Variants in NOL11 observed in about 807,000 individuals in gnomAD.
NOL11 encodes the protein nucleolar protein 11.
In NOL11, 42 loss-of-function variants were observed where a neutral mutation model predicts 93.0. The ratio of observed to expected loss-of-function variants is 0.45; its 90% CI spans 0.35 to 0.58. NOL11 has a LOEUF of 0.58. NOL11 is among the 20% of genes least tolerant of loss of function. The probability of loss-of-function intolerance (pLI) is 0.00; values close to 1 mark genes in which losing one functional copy is unlikely to be tolerated. For missense variants in NOL11, 775 were observed against 841.8 expected (o/e 0.92, Z 0.98); for synonymous variants, 296 against 293.7 (o/e 1.01, Z -0.08).
intron 6 of NOL11, among the ~76,000 whole-genome samples, chr17:67,725,551 G>C (rs958119017): frequency 3.9e-5 from 6 of 152,124 alleles, no homozygotes; most frequent in Non-Finnish European, 7.4e-5. Context: ...AAGTTTTTCA[G>C]TGTGCAAATG....
chr17:67,737,415 A>T, intron 11 of NOL11, 93 bp from the exon 12 acceptor site: 1 of 1,041,320 alleles, frequency 9.6e-7, no homozygotes, highest in Non-Finnish European at 1.4e-6. Context: ...GATAACTGTT[A>T]GTCATTTGAG....
rs1054994463 is a variant in NOL11 at position 67,738,721 on chromosome 17, A to G, written c.1764-211A>G. The G allele has an allele frequency of 5.9e-6, 3 of 504,924 alleles. No homozygotes were observed. In the South Asian group the frequency reaches 1.0e-4, roughly 17 times the overall value. The allele number at this position is 504,924 out of a possible 1,614,324, so 31.3% of individuals were successfully genotyped here. A position where few individuals can be genotyped will look rare whatever the true frequency, so the allele number is the denominator to read the frequency against. ...GAAGCTATACTAACACAGAAGCTCT[A>G]TCAATTCTGAAGATCAGTATTCTGA... On this transcript the variant is annotated intron_variant, in intron 14 of 17. Coordinates refer to ENST00000253247, the MANE Select transcript of NOL11 (RefSeq NM_015462.5).
At position 67,743,543 on chromosome 17, in the gene NOL11, C is replaced by G; in HGVS notation, c.2000C>G (p.Ala667Gly). The G allele has an allele frequency of 6.2e-7, 1 of 1,606,828 alleles. No individual in the cohort carries two copies. The highest frequency in any genetic ancestry group is 8.5e-7 in the Non-Finnish European group (1 of 1,175,088). The change falls in exon 17 of 18, where the codon GCA becomes GGA. Residue 667 changes from alanine (A) to glycine (G), a missense_variant. Ala to Gly is a moderately conservative substitution (Grantham distance 60, BLOSUM62 0). Transcript: ENST00000253247. ...ACTGTTGTTGTAATGATGCCAGAAG[C>G]AAAGAGGCTACTGATAAATCTTTAC... is the stretch of plus-strand genomic sequence containing the variant. ...NFTVVVMMPE[A>G]KRLLINLYKL...
intron 4 of NOL11, among the ~76,000 whole-genome samples, chr17:67,721,961 C>T (rs2043220381): frequency 6.6e-6 from 1 of 152,214 alleles, no homozygotes; most frequent in Non-Finnish European, 1.5e-5. Context: ...GATTCCACAT[C>T]TTTCTGATAC....
In NOL11 at chr17:67,719,721, A is replaced by G. The variant is rs201484850; in HGVS notation, c.189A>G (p.Gln63=). The change falls in exon 2 of 18, where the codon CAA becomes CAG. Residue 63 remains glutamine (Q), a synonymous_variant. Transcript: ENST00000253247. Reference sequence around the variant, plus strand: ...GGAGCTGGTCAGTGAAACAAGGTCAAATTATAACATGTCCAGCTGTGTGCA... The same window carrying G: ...GGAGCTGGTCAGTGAAACAAGGTCAGATTATAACATGTCCAGCTGTGTGCA... ...PLGSWSVKQG[Q]IITCPAVCNF... 3.1e-6 allele frequency: 5 copies of G among 1,610,712 alleles called. No homozygotes were observed. Among genetic ancestry groups the G allele is most frequent in the Non-Finnish European group, 4.2e-6 (5 of 1,178,898 alleles).
chr17:67,725,829 C>T (rs568503252), intron 6 of NOL11, among the ~76,000 whole-genome samples: 18 of 152,272 alleles, frequency 1.2e-4, no homozygotes, highest in African/African-American at 2.6e-4. Context: ...CCTGTAATCC[C>T]GGTACTTTGG....
Position 67,736,674 on chromosome 17 carries a change from G to A in NOL11, c.1063G>A (p.Val355Ile), listed in dbSNP as rs770722856. 3 of 1,608,538 alleles carry A rather than the reference G, an allele frequency of 1.9e-6. No individual in the cohort carries two copies. Among genetic ancestry groups the A allele is most frequent in the Non-Finnish European group, 2.6e-6 (3 of 1,176,422 alleles). The change falls in exon 10 of 18, where the codon GTC becomes ATC. Residue 355 changes from valine (V) to isoleucine (I), a missense_variant. Val to Ile is a conservative substitution (Grantham distance 29). Around this residue, in one of 2 missense-constraint regions of NOL11, gnomAD observed 416 missense variants for 525.2 expected, o/e 0.79. Coordinates refer to ENST00000253247, the MANE Select transcript of NOL11 (RefSeq NM_015462.5). ...ATTTTGCATTTTCTTAGGAACTCAT[G>A]TCGTGTCCCATTTTGTAAACTGGGA... is the stretch of plus-strand genomic sequence containing the variant. Reference protein sequence around the residue: ...LKHSQDPGTHVVSHFVNWETP... With the variant: ...LKHSQDPGTHIVSHFVNWETP...
At chr17:67,731,150 A>G (rs1379867525) in intron 7 of NOL11, among the ~76,000 whole-genome samples, 1 of 151,996 alleles carries the variant, frequency 6.6e-6, no homozygotes, top group Non-Finnish European at 1.5e-5. Flanking sequence ...CATTCTTTAT[A>G]TATTCTAGAT....
chr17:67,739,443 C>T, intron 15 of NOL11, 73 bp from the exon 16 acceptor site: 1 of 866,684 alleles, frequency 1.2e-6, no homozygotes, highest in Non-Finnish European at 1.8e-6. Context: ...TTTTTTCAAT[C>T]TTCGTGATGG....
At chr17:67,726,280 T>C (rs1462613134) in intron 6 of NOL11, among the ~76,000 whole-genome samples, 180 bp from the exon 7 acceptor site, 1 of 152,226 alleles carries the variant, frequency 6.6e-6, no homozygotes, top group Non-Finnish European at 1.5e-5. Flanking sequence ...TAATAGTACT[T>C]CTTTCCCCAG....
chr17:67,728,241 C>A (rs1459146035), intron 7 of NOL11, among the ~76,000 whole-genome samples: 2 of 152,224 alleles, frequency 1.3e-5, no homozygotes, highest in East Asian at 3.9e-4. Flanking sequence ...GCCTGGGGGA[C>A]AGAGCAAGAC....
At position 67,744,302 on chromosome 17, in the gene NOL11, C is replaced by T. The variant is rs1230052029; in HGVS notation, c.*443C>T. 1 of 152,274 alleles carries T rather than the reference C, an allele frequency of 6.6e-6. No individual in the cohort carries two copies. The highest frequency in any genetic ancestry group is 1.5e-5 in the Non-Finnish European group (1 of 68,128). 9.4% of individuals were successfully genotyped at this position (152,274 alleles called of 1,614,324 possible). ...CACACATTTGCAGTGTGTCTTCTGC[C>T]ACAAGCAGGGCAGAGAGGGGCCCTC... On this transcript the variant is annotated 3_prime_UTR_variant, in exon 18 of 18. Coordinates refer to ENST00000253247, the MANE Select transcript of NOL11 (RefSeq NM_015462.5).
intron 5 of NOL11, 73 bp from the exon 6 acceptor site, chr17:67,723,976 T>A (rs2055061592): frequency 9.3e-7 from 1 of 1,071,836 alleles, no homozygotes; most frequent in East Asian, 2.4e-5. Flanking sequence ...GGGTGACAAC[T>A]TCTGGTTTTA....
intron 6 of NOL11, among the ~76,000 whole-genome samples, chr17:67,725,167 G>C (rs1050158904): frequency 2.0e-5 from 3 of 152,338 alleles, no homozygotes; most frequent in African/African-American, 4.8e-5. Flanking sequence ...GGTTCTTTGA[G>C]TGTAATTAGT....
chr17:67,741,859 C>T (rs988956460), intron 16 of NOL11, among the ~76,000 whole-genome samples: 23 of 152,264 alleles, frequency 1.5e-4, no homozygotes, highest in East Asian at 3.9e-4. Context: ...CCACCGCACC[C>T]GGCCCACTCA....
At chr17:67,738,377 C>T (rs929186114) in intron 14 of NOL11, 22 bp downstream of exon 14, 5 of 1,489,982 alleles carry the variant, frequency 3.4e-6, no homozygotes, top group Admixed American at 3.6e-5. Context: ...CATAGAGCAT[C>T]CCTCTGTTTC....
intron 16 of NOL11, among the ~76,000 whole-genome samples, chr17:67,739,938 T>G (rs1350483151): frequency 6.6e-6 from 1 of 152,098 alleles, no homozygotes; most frequent in Non-Finnish European, 1.5e-5. Context: ...AATCATCTCT[T>G]AAGAATAAGA....
At chr17:67,743,667 T>A (rs2055275337) in intron 17 of NOL11, 76 bp from the exon 18 acceptor site, 16 of 1,259,388 alleles carry the variant, frequency 1.3e-5, no homozygotes, top group Middle Eastern at 3.8e-4. Flanking sequence ...AATTTGTCCT[T>A]AAATAACTTA....
chr17:67,738,009 A>G, intron 13 of NOL11, 37 bp downstream of exon 13: 5 of 1,572,656 alleles, frequency 3.2e-6, no homozygotes, highest in Non-Finnish European at 4.3e-6. Flanking sequence ...TCTTCACTAC[A>G]TTTATAATCT....
Sources: gnomAD v4.1 joint callset for allele counts (sites outside exome capture counted in the v4.1 genomes callset) on GRCh38, gnomAD v4.1.1 for gene constraint, gnomAD v4.1.1 regional missense constraint, MANE v1.5 for transcripts, NCBI Gene and HGNC (gene_info 2026-07-23, HGNC 2026-07-21) for gene names.